HEATR5B: variants seen among roughly 807,000 people sequenced by gnomAD.
HEATR5B encodes HEAT repeat-containing protein 5B.
A neutral mutation model predicts 224.1 loss-of-function variants in HEATR5B; 156 were observed. The ratio of observed to expected loss-of-function variants is 0.70; its 90% CI spans 0.61 to 0.80. The LOEUF (loss-of-function observed/expected upper bound fraction) is 0.80, where lower values mean the gene tolerates loss of function less well. Among genes scored for constraint, HEATR5B ranks in the 30% least tolerant of loss-of-function variants. HEATR5B has a pLI of 0.00. For synonymous variants in HEATR5B, 1,027 were observed against 893.0 expected, an observed-to-expected ratio of 1.15 and a Z score of -2.68; for missense variants, 2,323 against 2,535.5, an observed-to-expected ratio of 0.92 and a Z score of 1.80.
Position 37,013,885 on chromosome 2 carries a change from C to A in HEATR5B, c.4240G>T (p.Ala1414Ser). ...ACAGCCAGTTTTTCCATGGTCGTGG[C>A]ACTCTCTCGGTACAGCTGGCTGGAA... ...GSSSQLYRES[A>S]TTMEKLAVLK... Residue 1414 changes from alanine (A) to serine (S), a missense_variant, in exon 27 of 36, where the codon GCC becomes TCC. Around this residue, in one of 12 missense-constraint regions of HEATR5B, gnomAD observed 844 missense variants for 812.9 expected, o/e 1.04. Transcript: ENST00000233099. 2 of 1,610,700 alleles carry A rather than the reference C, an allele frequency of 1.2e-6. No homozygotes were observed. Among genetic ancestry groups the A allele is most frequent in the South Asian group, 2.2e-5 (2 of 90,292 alleles).
At position 37,070,372 on chromosome 2, in the gene HEATR5B, A is replaced by G; in HGVS notation, c.785T>C (p.Val262Ala). The change falls in exon 7 of 36, where the codon GTG becomes GCG. Residue 262 changes from valine (V) to alanine (A), a missense_variant. Physicochemically the swap from Val to Ala is moderately conservative, Grantham distance 64. This residue lies in a region of HEATR5B where 292 missense variants were observed against 332.6 expected (regional missense o/e 0.88). Coordinates refer to ENST00000233099, the MANE Select transcript of HEATR5B (RefSeq NM_019024.3). ...GACTTCATCAAATGTTGCTCGCTTCACATTCTGACGCATTACTTTCAAGAA... is the reference window on the plus strand; with the variant it reads ...GACTTCATCAAATGTTGCTCGCTTCGCATTCTGACGCATTACTTTCAAGAA... ...PKQATVMRQN[V>A]KRATFDEVLE... 1 of 1,613,704 alleles carries G rather than the reference A, an allele frequency of 6.2e-7. No individual in the cohort carries two copies. The highest frequency in any genetic ancestry group is 8.5e-7 in the Non-Finnish European group (1 of 1,179,672).
chr2:37,027,834 T>TA, intron 24 of HEATR5B, 89 bp downstream of exon 24: 2 of 1,333,354 alleles, frequency 1.5e-6, no homozygotes, highest in Non-Finnish European at 2.1e-6. Context: ...TAAAGCACGC[T>TA]ATATCTGTCG....
At chr2:37,022,377 C>T (rs1391167786) in intron 24 of HEATR5B, among the ~76,000 whole-genome samples, 2 of 152,106 alleles carry the variant, frequency 1.3e-5, no homozygotes, top group African/African-American at 4.8e-5. Flanking sequence ...TGGGGTTTCA[C>T]CATGTTGACC....
At chr2:36,983,372 A>G (rs904662739) in intron 35 of HEATR5B, among the ~76,000 whole-genome samples, 17 of 87,098 alleles carry the variant, frequency 2.0e-4, no homozygotes, top group Non-Finnish European at 8.6e-5. Context: ...TACTAAAAAT[A>G]CAAAAAAAAA....
intron 11 of HEATR5B, among the ~76,000 whole-genome samples, chr2:37,061,270 C>T (rs1294012663): frequency 2.0e-5 from 3 of 152,042 alleles, no homozygotes; most frequent in African/African-American, 7.2e-5. Flanking sequence ...TTTAACATAC[C>T]ACTGAACATA....
At chr2:37,053,662 C>T (rs1280818474) in intron 16 of HEATR5B, 55 bp from the exon 17 acceptor site, 4 of 1,024,600 alleles carry the variant, frequency 3.9e-6, no homozygotes, top group Non-Finnish European at 6.0e-6. Context: ...TCCAATATGG[C>T]TCAAAAACGG....
chr2:37,044,613 A>G (rs1670076616), intron 18 of HEATR5B, among the ~76,000 whole-genome samples: 1 of 152,206 alleles, frequency 6.6e-6, no homozygotes, highest in South Asian at 2.1e-4. Context: ...CATTTCTCTT[A>G]GGTAAATACC....
chr2:37,005,994 T>G (rs919806244), intron 29 of HEATR5B, among the ~76,000 whole-genome samples: 1 of 152,234 alleles, frequency 6.6e-6, no homozygotes, highest in African/African-American at 2.4e-5. Context: ...GGAATTCCCA[T>G]GCCATCAGGT....
At chr2:36,994,143 T>C (rs954933953) in intron 33 of HEATR5B, among the ~76,000 whole-genome samples, 5 of 152,136 alleles carry the variant, frequency 3.3e-5, no homozygotes, top group Non-Finnish European at 4.4e-5. Flanking sequence ...AAATTAATAA[T>C]AATATTAACA....
intron 7 of HEATR5B, among the ~76,000 whole-genome samples, chr2:37,069,144 C>T (rs1671761806): frequency 1.3e-5 from 2 of 152,274 alleles, no homozygotes; most frequent in South Asian, 4.2e-4. Flanking sequence ...CTTAAGATAA[C>T]AACTTCATGA....
At chr2:37,069,453 T>C (rs866378384) in intron 7 of HEATR5B, among the ~76,000 whole-genome samples, 4 of 152,322 alleles carry the variant, frequency 2.6e-5, no homozygotes, top group East Asian at 1.9e-4. Context: ...TAACCTCTTA[T>C]TCCGTGTTAT....
In HEATR5B at chr2:37,020,700, C is replaced by G; in HGVS notation, c.3990G>C (p.Glu1330Asp). 2 of 1,599,008 alleles carry G rather than the reference C, an allele frequency of 1.3e-6. No individual in the cohort carries two copies. The highest frequency in any genetic ancestry group is 1.1e-5 in the South Asian group (1 of 87,754). ...DIIKKFASVP[E>D]PEFPGHVILE... ...GTATCACATGACCTGGAAATTCTGGCTCAGGCACAGACGCAAACTTCTTGA... is the reference window on the plus strand; with the variant it reads ...GTATCACATGACCTGGAAATTCTGGGTCAGGCACAGACGCAAACTTCTTGA... The change falls in exon 25 of 36, where the codon GAG (glutamate) becomes GAC (aspartate). Residue 1330 changes from glutamate (E) to aspartate (D), a missense_variant. By Grantham distance (45) the Glu-to-Asp change is conservative. This residue lies in a region of HEATR5B where 339 missense variants were observed against 378.4 expected (regional missense o/e 0.90). Transcript: ENST00000233099.
chr2:37,074,982 C>T (rs191353803), intron 5 of HEATR5B, among the ~76,000 whole-genome samples: 69 of 152,312 alleles, frequency 4.5e-4, no homozygotes, highest in African/African-American at 1.3e-3. Context: ...CAGAATGGCA[C>T]GAGTACTTTG....
At chr2:36,987,608 G>A (rs905107055) in intron 35 of HEATR5B, among the ~76,000 whole-genome samples, 2 of 151,926 alleles carry the variant, frequency 1.3e-5, no homozygotes, top group Non-Finnish European at 2.9e-5. Flanking sequence ...AACTGCATAA[G>A]TTTCTGGTTA....
chr2:36,999,829 C>T (rs1405882571), intron 33 of HEATR5B, among the ~76,000 whole-genome samples: 5 of 151,764 alleles, frequency 3.3e-5, no homozygotes, highest in East Asian at 2.0e-4. Context: ...CTGACCAACA[C>T]GGTGAAACCA....
intron 24 of HEATR5B, among the ~76,000 whole-genome samples, chr2:37,022,103 C>A (rs538779631): frequency 6.6e-6 from 1 of 151,986 alleles, no homozygotes; most frequent in South Asian, 2.1e-4. Context: ...TTAACCTTGG[C>A]TAATAAACCT....
chr2:37,002,312 G>A lies in HEATR5B; in HGVS notation c.5311C>T (p.Pro1771Ser), dbSNP rs557485147. 6.2e-6 allele frequency: 10 copies of A among 1,614,154 alleles called. No individual in the cohort carries two copies. The African/African-American group carries it at 1.1e-4, about 17-fold the overall frequency. ...ILSDLPSLCS[P>S]AGCMTILPTI... ...ATACTGATCAATACCGTACCAGCGG[G>A]TGAACAAAGGGATGGTAAATCAGAG... Residue 1771 changes from proline (P) to serine (S), a missense_variant, in exon 32 of 36, where the codon CCC becomes TCC. Physicochemically the swap from Pro to Ser is moderately conservative, Grantham distance 74. Coordinates refer to ENST00000233099, the MANE Select transcript of HEATR5B (RefSeq NM_019024.3).
At chr2:37,019,963 G>A (rs1384131170) in intron 25 of HEATR5B, 86 bp from the exon 26 acceptor site, 2 of 907,732 alleles carry the variant, frequency 2.2e-6, no homozygotes, top group East Asian at 2.6e-5. Context: ...GAGTGCAGTG[G>A]TGCGATCTCG....
At chr2:37,034,286 G>A (rs1429804661) in intron 21 of HEATR5B, among the ~76,000 whole-genome samples, 16 of 149,494 alleles carry the variant, frequency 1.1e-4, no homozygotes, top group African/African-American at 3.7e-4. Context: ...GATTACAGGC[G>A]TGAGCCACCG....
Sources: allele counts gnomAD v4.1 joint callset (sites outside exome capture counted in the v4.1 genomes callset), GRCh38; gene constraint gnomAD v4.1.1; regional missense constraint gnomAD v4.1.1; transcripts MANE v1.5; gene names NCBI Gene and HGNC (gene_info 2026-07-23, HGNC 2026-07-21).